The following PCDHA6 variants were observed in gnomAD, a reference collection of about 807,000 sequenced individuals.
The protein encoded by PCDHA6 is protocadherin alpha-6.
In PCDHA6, 55 loss-of-function variants were observed where a neutral mutation model predicts 60.3. The observed-to-expected ratio is 0.91, with a 90% CI of 0.73 to 1.14. The LOEUF (loss-of-function observed/expected upper bound fraction) is 1.14, where lower values mean the gene tolerates loss of function less well. Ranked by LOEUF, PCDHA6 falls within the 50% of genes most tolerant of loss-of-function variation. PCDHA6 has a pLI of 0.00. For missense variants in PCDHA6, 1,327 were observed against 1,256.5 expected, an observed-to-expected ratio of 1.06 and a Z score of -0.85; for synonymous variants, 652 against 557.9, an observed-to-expected ratio of 1.17 and a Z score of -2.38.
In PCDHA6 at chr5:140,969,369, C is replaced by A. The variant is rs782020561; in HGVS notation, c.2395-9580C>A. The A allele has an allele frequency of 1.3e-5, 21 of 1,607,718 alleles. 2 individuals carry two copies. In the South Asian group the frequency reaches 2.3e-4, roughly 18 times the overall value. ...TCAGGGGGTCTTCTACAAACTCATG[C>A]ATTTGTTACACATCCCCCAATATCC... is the stretch of plus-strand genomic sequence containing the variant. On this transcript the variant is annotated intron_variant, in intron 1 of 3. Transcript: ENST00000529310.
At position 140,944,281 on chromosome 5, in the gene PCDHA6, G is replaced by A. The variant is rs987563636; in HGVS notation, c.2395-34668G>A. ...CTGCTCACTGCAGCCTTGACACCCC[G>A]GGCTCAAGCGATCCTCCTACCTCAG... On this transcript the variant is annotated intron_variant, in intron 1 of 3. Coordinates refer to ENST00000529310, the MANE Select transcript of PCDHA6 (RefSeq NM_018909.4). Among the ~76,000 whole-genome samples, 18 of 152,138 alleles carry A rather than the reference G, an allele frequency of 1.2e-4. No individual in the cohort carries two copies. The Middle Eastern group carries it at 0.014, about 115-fold the overall frequency.
intron 1 of PCDHA6, among the ~76,000 whole-genome samples, chr5:140,963,244 T>C (rs934081934): frequency 6.6e-6 from 1 of 151,988 alleles, no homozygotes; most frequent in Non-Finnish European, 1.5e-5. Flanking sequence ...ATGGATTAGG[T>C]AGGTTTTCAT....
intron 1 of PCDHA6, among the ~76,000 whole-genome samples, chr5:140,890,543 C>T (rs1388914629): frequency 6.6e-6 from 1 of 152,012 alleles, no homozygotes; most frequent in Non-Finnish European, 1.5e-5. Context: ...TTTGAAATGA[C>T]TGAGTACTTT....
At chr5:140,905,211 G>T (rs1554191947) in intron 1 of PCDHA6, among the ~76,000 whole-genome samples, 1 of 152,130 alleles carries the variant, frequency 6.6e-6, no homozygotes, top group South Asian at 2.1e-4. Context: ...GTTGATTTTT[G>T]TGTAAGGTGA....
chr5:140,887,955 CTTTT>C (rs2061644555), intron 1 of PCDHA6, among the ~76,000 whole-genome samples: 2 of 152,088 alleles, frequency 1.3e-5, no homozygotes, highest in African/African-American at 4.8e-5. Flanking sequence ...GTATAAGATT[CTTTT>C]TGTCTCTTTT....
chr5:140,837,156 A>G (rs1554136407), intron 1 of PCDHA6: 1 of 153,056 alleles, frequency 6.5e-6, no homozygotes, highest in Non-Finnish European at 1.5e-5. Context: ...TTTATAAAAT[A>G]TAGCTGTGTC....
chr5:140,915,049 G>A (rs141616466), intron 1 of PCDHA6, among the ~76,000 whole-genome samples: 6,100 of 150,756 alleles, frequency 0.04, 138 homozygotes, highest in Non-Finnish European at 0.052. Flanking sequence ...GGGTTCAAGC[G>A]ATTCTCCTGC....
chr5:140,837,762 A>G (rs1775250265), intron 1 of PCDHA6, among the ~76,000 whole-genome samples: 2 of 151,650 alleles, frequency 1.3e-5, no homozygotes, highest in Non-Finnish European at 2.9e-5. Context: ...CTGCAACCTG[A>G]AAGTCCTGGG....
rs782457236 is a variant in PCDHA6 at position 140,883,560 on chromosome 5, G to A, written c.2394+53075G>A. 2 of 1,614,184 alleles carry A rather than the reference G, an allele frequency of 1.2e-6. No homozygotes were observed. Among genetic ancestry groups the A allele is most frequent in the Admixed American group, 1.7e-5 (1 of 60,028 alleles). ...CTGGTGGTGACCGCGCGGGACGGGGGCTCGCCTTCGCTGTGGGCCACGGCC... is the reference window on the plus strand; with the variant it reads ...CTGGTGGTGACCGCGCGGGACGGGGACTCGCCTTCGCTGTGGGCCACGGCC... On this transcript the variant is annotated intron_variant, in intron 1 of 3. Coordinates refer to ENST00000529310, the MANE Select transcript of PCDHA6 (RefSeq NM_018909.4).
intron 1 of PCDHA6, chr5:140,869,184 G>C: frequency 6.2e-7 from 1 of 1,613,954 alleles, no homozygotes; most frequent in Non-Finnish European, 8.5e-7. Context: ...GGGAGGTGGG[G>C]AGCGGCCAGC....
chr5:140,841,640 G>T, intron 1 of PCDHA6: 1 of 1,614,170 alleles, frequency 6.2e-7, no homozygotes, highest in Non-Finnish European at 8.5e-7. Context: ...CATCCACCTG[G>T]AGGTGATCGT....
intron 3 of PCDHA6, among the ~76,000 whole-genome samples, chr5:141,002,135 G>C (rs1265359430): frequency 2.6e-5 from 4 of 152,236 alleles, no homozygotes; most frequent in Admixed American, 2.6e-4. Flanking sequence ...AGCCTTTGCC[G>C]GCTGCACTGA....
In PCDHA6 at chr5:140,829,909, G is replaced by C. The variant is rs1299883375; in HGVS notation, c.1818G>C (p.Trp606Cys). The change falls in exon 1 of 4, where the codon TGG (tryptophan) becomes TGC (cysteine). Residue 606 changes from tryptophan to cysteine, a missense_variant. Physicochemically the swap from Trp to Cys is radical, Grantham distance 215. Transcript: ENST00000529310. ...ACGCCGACTCAGGCTACAACGCGTG[G>C]CTTTCGTATGAGCTGCAGCCCCCGG... ...AVDADSGYNA[W>C]LSYELQPPAS... 1.9e-6 allele frequency: 3 copies of C among 1,613,992 alleles called. No homozygotes were observed. Among genetic ancestry groups the C allele is most frequent in the Non-Finnish European group, 2.5e-6 (3 of 1,179,904 alleles).
At chr5:140,885,124 T>C (rs1019759458) in intron 1 of PCDHA6, among the ~76,000 whole-genome samples, 35 of 152,216 alleles carry the variant, frequency 2.3e-4, no homozygotes, top group African/African-American at 8.2e-4. Flanking sequence ...TGCACTTTTC[T>C]TTCTTTCTTT....
chr5:140,883,569 C>T (rs781786717), intron 1 of PCDHA6: 3 of 1,614,134 alleles, frequency 1.9e-6, no homozygotes, highest in Non-Finnish European at 2.5e-6. Flanking sequence ...GGCTCGCCTT[C>T]GCTGTGGGCC....
chr5:140,992,698 A>G (rs764226558), intron 3 of PCDHA6, among the ~76,000 whole-genome samples: 4 of 152,094 alleles, frequency 2.6e-5, no homozygotes, highest in Non-Finnish European at 4.4e-5. Flanking sequence ...GGGGTGGGTA[A>G]TGTTCCTGCC....
rs782226254 is a variant in PCDHA6 at position 140,882,345 on chromosome 5, C to T, written c.2394+51860C>T. The T allele has an allele frequency of 6.8e-6, 11 of 1,614,042 alleles. No homozygotes were observed. In the Admixed American group the frequency reaches 1.5e-4, roughly 22 times the overall value. Reference sequence around the variant, plus strand: ...CTTCTGATCCTCGCAGCCTGGGAGACGGGTAGTGGCCAGCTCCACTACTCC... The same window carrying T: ...CTTCTGATCCTCGCAGCCTGGGAGATGGGTAGTGGCCAGCTCCACTACTCC... On this transcript the variant is annotated intron_variant, in intron 1 of 3. Transcript: ENST00000529310.
At chr5:140,978,856 A>G (rs2096826512) in intron 1 of PCDHA6, 93 bp from the exon 2 acceptor site, 1 of 1,589,052 alleles carries the variant, frequency 6.3e-7, no homozygotes, top group Non-Finnish European at 8.6e-7. Flanking sequence ...AGATGCCTGG[A>G]AATATTTAAG....
chr5:140,961,114 A>G (rs2095591473), intron 1 of PCDHA6, among the ~76,000 whole-genome samples: 1 of 152,212 alleles, frequency 6.6e-6, no homozygotes, highest in African/African-American at 2.4e-5. Flanking sequence ...ACCCCCTTGC[A>G]TCTTAATGTC....
Sources: allele counts gnomAD v4.1 joint callset (sites outside exome capture counted in the v4.1 genomes callset), GRCh38; gene constraint gnomAD v4.1.1; transcripts MANE v1.5; gene names NCBI Gene and HGNC (gene_info 2026-07-23, HGNC 2026-07-21).